RAB10: variants seen among roughly 807,000 people sequenced by gnomAD.
RAB10 encodes ras-related protein Rab-10.
RAB10 carries 5 observed loss-of-function variants against 25.7 expected under a neutral mutation model. The observed-to-expected ratio is 0.19, with a 90% CI of 0.10 to 0.41. RAB10 has a LOEUF of 0.41. Ranked by LOEUF, RAB10 falls within the 10% of genes least tolerant of loss-of-function variation. The pLI is 1.00. For synonymous variants in RAB10, 89 were observed against 86.4 expected (o/e 1.03, Z -0.16); for missense variants, 103 against 245.8 (o/e 0.42, Z 3.89).
intron 1 of RAB10, among the ~76,000 whole-genome samples, chr2:26,046,363 A>G (rs1666003762): frequency 6.6e-6 from 1 of 152,050 alleles, no homozygotes; most frequent in Admixed American, 6.6e-5. Flanking sequence ...TGAAAAGTTG[A>G]TTAAAATGAA....
At chr2:26,088,523 C>T (rs1015618507) in intron 1 of RAB10, among the ~76,000 whole-genome samples, 5 of 152,136 alleles carry the variant, frequency 3.3e-5, no homozygotes, top group Admixed American at 1.3e-4. Context: ...GTAGGCTTTT[C>T]TAGCATCTCT....
chr2:26,037,316 T>G (rs1485828555), intron 1 of RAB10, among the ~76,000 whole-genome samples: 2 of 152,118 alleles, frequency 1.3e-5, no homozygotes, highest in Non-Finnish European at 2.9e-5. Flanking sequence ...TTTGGCAGAT[T>G]ACTTAACCTC....
chr2:26,062,418 C>T (rs894026701), intron 1 of RAB10, among the ~76,000 whole-genome samples: 1 of 152,136 alleles, frequency 6.6e-6, no homozygotes, highest in Non-Finnish European at 1.5e-5. Context: ...TGGCTCATGC[C>T]TGTAATCCCA....
chr2:26,076,120 C>T (rs1351357837), intron 1 of RAB10, among the ~76,000 whole-genome samples: 1 of 152,092 alleles, frequency 6.6e-6, no homozygotes, highest in Non-Finnish European at 1.5e-5. Context: ...TGTTTATGTA[C>T]CCAGGCCCTG....
chr2:26,107,835 T>A, intron 2 of RAB10, among the ~76,000 whole-genome samples: 1 of 150,070 alleles, frequency 6.7e-6, no homozygotes. Context: ...AACAATCCAA[T>A]TAGAAAATGG....
chr2:26,115,853 T>G (rs1414956854), intron 3 of RAB10, among the ~76,000 whole-genome samples: 2 of 134,420 alleles, frequency 1.5e-5, no homozygotes, highest in African/African-American at 5.7e-5. Context: ...GTAGAGTTGT[T>G]ATTACTGTTT....
chr2:26,118,364 T>A (rs113990734), intron 3 of RAB10, among the ~76,000 whole-genome samples: 230 of 145,788 alleles, frequency 1.6e-3, no homozygotes, highest in African/African-American at 5.7e-3. Context: ...CAGGCTGGAG[T>A]GCAGTGGTGT....
chr2:26,072,359 T>A (rs1270246650), intron 1 of RAB10, among the ~76,000 whole-genome samples: 1 of 152,090 alleles, frequency 6.6e-6, no homozygotes, highest in Non-Finnish European at 1.5e-5. Flanking sequence ...GGGGTTGCAG[T>A]GAGCTGAGAT....
At chr2:26,123,644 G>A (rs1574562795) in intron 3 of RAB10, among the ~76,000 whole-genome samples, 1 of 152,270 alleles carries the variant, frequency 6.6e-6, no homozygotes, top group Middle Eastern at 3.4e-3. Flanking sequence ...CCAAACCAGC[G>A]TTGGACGATA....
intron 3 of RAB10, among the ~76,000 whole-genome samples, chr2:26,116,128 A>G (rs1667683406): frequency 6.6e-6 from 1 of 151,990 alleles, no homozygotes; most frequent in Non-Finnish European, 1.5e-5. Flanking sequence ...TGGCCTCCCA[A>G]AGTGCTGGGA....
chr2:26,092,173 GAA>G (rs757570026), intron 1 of RAB10, among the ~76,000 whole-genome samples: 1 of 117,788 alleles, frequency 8.5e-6, no homozygotes, highest in Admixed American at 8.9e-5. Flanking sequence ...CTGTGTCTCA[GAA>G]AAAAAAAAAA....
upstream of RAB10, among the ~76,000 whole-genome samples, chr2:26,033,809 G>A (rs1429848749): frequency 1.3e-5 from 2 of 152,182 alleles, no homozygotes; most frequent in Non-Finnish European, 2.9e-5. Flanking sequence ...GTCGGAGGGG[G>A]GGCGCTGCGC....
intron 1 of RAB10, among the ~76,000 whole-genome samples, chr2:26,051,104 A>G (rs1666122966): frequency 6.6e-6 from 1 of 151,576 alleles, no homozygotes; most frequent in South Asian, 2.1e-4. Flanking sequence ...CATCTGGTTA[A>G]TTTTTAAATT....
chr2:26,089,189 C>T (rs1418531244), intron 1 of RAB10, among the ~76,000 whole-genome samples: 1 of 151,694 alleles, frequency 6.6e-6, no homozygotes, highest in African/African-American at 2.4e-5. Context: ...TTTTGGGAGG[C>T]CAAGGTGGGT....
intron 5 of RAB10, among the ~76,000 whole-genome samples, chr2:26,134,067 T>G (rs1005224755): frequency 1.3e-5 from 2 of 152,222 alleles, no homozygotes; most frequent in African/African-American, 4.8e-5. Flanking sequence ...ACCTAAGGGT[T>G]GCTACTGTTA....
chr2:26,090,015 T>G (rs1166719088), intron 1 of RAB10, among the ~76,000 whole-genome samples: 1 of 152,186 alleles, frequency 6.6e-6, no homozygotes, highest in African/African-American at 2.4e-5. Flanking sequence ...TCTAATACTG[T>G]TTCCTCCTTC....
rs57391958 is a variant in RAB10, at chr2:26,107,245, CAA to C, written c.189-2504_189-2503del. The stretch of plus-strand genomic sequence containing the variant: ...TGGGCAACAGAGCGACACCCTGTTT[CAA>C]AAAAAAAAAAAAAAAAAAGACTAGG... On this transcript the variant is annotated intron_variant, in intron 2 of 5. Transcript: ENST00000264710. 1.5e-3 allele frequency among the ~76,000 whole-genome samples: 103 copies of C among 66,792 alleles called. No homozygotes were observed. The South Asian group carries it at 0.024, about 16-fold the overall frequency. The allele number at this position is 66,792 out of a possible 152,430, so 43.8% of individuals were successfully genotyped here. A position where few individuals can be genotyped will look rare whatever the true frequency, so the allele number is the denominator to read the frequency against.
At chr2:26,080,366 A>G (rs1408713510) in intron 1 of RAB10, among the ~76,000 whole-genome samples, 1 of 152,218 alleles carries the variant, frequency 6.6e-6, no homozygotes, top group Admixed American at 6.5e-5. Context: ...GGCAGGAGCC[A>G]GGAATGGAAT....
Position 26,081,772 on chromosome 2 carries a change from AAAG to A in RAB10, c.128-16889_128-16887del, listed in dbSNP as rs1468911886. Among the ~76,000 whole-genome samples, 6 of 152,248 alleles carry A rather than the reference AAAG, an allele frequency of 3.9e-5. No homozygotes were observed. The East Asian group carries it at 1.2e-3, about 29-fold the overall frequency. On this transcript the variant is annotated intron_variant, in intron 1 of 5. Coordinates refer to ENST00000264710, the MANE Select transcript of RAB10 (RefSeq NM_016131.5). The stretch of plus-strand genomic sequence containing the variant: ...TTTACTTTCAAAAAAGGAATTTAAA[AAAG>A]GAAACAATGTAAGCCGCAAGACAAT...
Sources: gnomAD v4.1 joint callset for allele counts (sites outside exome capture counted in the v4.1 genomes callset) on GRCh38, gnomAD v4.1.1 for gene constraint, MANE v1.5 for transcripts, NCBI Gene and HGNC (gene_info 2026-07-23, HGNC 2026-07-21) for gene names.